Variants in TAFA4 observed in about 807,000 individuals in gnomAD.
The protein encoded by TAFA4 is chemokine-like protein TAFA-4.
Under a neutral mutation model 21.1 loss-of-function variants are expected in TAFA4, and 20 were observed. The ratio of observed to expected loss-of-function variants is 0.95; its 90% CI spans 0.67 to 1.38. TAFA4 has a LOEUF of 1.38. Among genes scored for constraint, TAFA4 ranks in the 40% most tolerant of loss-of-function variants. The probability of loss-of-function intolerance (pLI) is 0.00; values close to 1 mark genes in which losing one functional copy is unlikely to be tolerated. For synonymous variants in TAFA4, 71 were observed against 67.4 expected (o/e 1.05, Z -0.26); for missense variants, 211 against 180.9 (o/e 1.17, Z -0.95).
chr3:68,871,645 A>G (rs1463865495), intron 3 of TAFA4, among the ~76,000 whole-genome samples: 1 of 152,138 alleles, frequency 6.6e-6, no homozygotes, highest in Admixed American at 6.6e-5. Flanking sequence ...TTTGCAAACT[A>G]TCCATCCAAC....
At chr3:68,842,882 T>G (rs1270478472) in intron 3 of TAFA4, among the ~76,000 whole-genome samples, 1 of 152,162 alleles carries the variant, frequency 6.6e-6, no homozygotes, top group African/African-American at 2.4e-5. Context: ...CTGTTCTGTT[T>G]CATTGGTCTA....
chr3:68,788,084 G>A (rs1241093087), intron 3 of TAFA4, among the ~76,000 whole-genome samples: 1 of 152,180 alleles, frequency 6.6e-6, no homozygotes, highest in African/African-American at 2.4e-5. Flanking sequence ...TATAGCCCCA[G>A]AAGAGTACAC....
At chr3:68,919,842 C>T (rs2107020472) in intron 1 of TAFA4, among the ~76,000 whole-genome samples, 1 of 152,284 alleles carries the variant, frequency 6.6e-6, no homozygotes, top group East Asian at 1.9e-4. Context: ...TGATAAGAGA[C>T]TTTCTGCAGT....
At chr3:68,778,927 T>A (rs1357266400) in intron 3 of TAFA4, among the ~76,000 whole-genome samples, 1 of 152,174 alleles carries the variant, frequency 6.6e-6, no homozygotes, top group East Asian at 1.9e-4. Context: ...TTTGGAGGGC[T>A]CAGAAGAAGA....
At chr3:68,758,591 T>A (rs1007862196) in intron 3 of TAFA4, among the ~76,000 whole-genome samples, 2 of 152,230 alleles carry the variant, frequency 1.3e-5, no homozygotes, top group Admixed American at 1.3e-4. Flanking sequence ...TTTTCCTTTA[T>A]AAATTACCTA....
At chr3:68,848,918 A>T (rs1704875338) in intron 3 of TAFA4, among the ~76,000 whole-genome samples, 1 of 139,676 alleles carries the variant, frequency 7.2e-6, no homozygotes, top group Non-Finnish European at 1.6e-5. Flanking sequence ...ATACTTCACC[A>T]AGGAGAATGC....
intron 1 of TAFA4, among the ~76,000 whole-genome samples, chr3:68,911,908 C>T (rs1248514088): frequency 2.0e-5 from 3 of 152,258 alleles, no homozygotes; most frequent in South Asian, 2.1e-4. Flanking sequence ...TCAGCCCAAG[C>T]GCTGGGAAAT....
chr3:68,823,357 C>G (rs964112325), intron 3 of TAFA4, among the ~76,000 whole-genome samples: 6 of 152,184 alleles, frequency 3.9e-5, no homozygotes, highest in African/African-American at 1.4e-4. Context: ...CATCTCACAT[C>G]TCAGTTATTG....
At chr3:68,860,223 C>T (rs1267941244) in intron 3 of TAFA4, among the ~76,000 whole-genome samples, 1 of 152,064 alleles carries the variant, frequency 6.6e-6, no homozygotes, top group Non-Finnish European at 1.5e-5. Flanking sequence ...ACAAAGTAAA[C>T]TGATGAGGCG....
chr3:68,784,823 C>T (rs1703219993), intron 3 of TAFA4, among the ~76,000 whole-genome samples: 2 of 152,246 alleles, frequency 1.3e-5, no homozygotes, highest in Admixed American at 1.3e-4. Flanking sequence ...GCGTTTACAA[C>T]CCCTGAGCTA....
rs1359907061 is a variant in TAFA4, at chr3:68,774,936, AGCT to A, written c.131-21921_131-21919del. Reference sequence around the variant, plus strand: ...TATACTTGTTCTCGGGATATTAAAAAGCTGCAAAAAAGAAAGCTATTCCCATCA... The same window carrying A: ...TATACTTGTTCTCGGGATATTAAAAAGCAAAAAAGAAAGCTATTCCCATCA... On this transcript the variant is annotated intron_variant, in intron 3 of 5. Coordinates refer to ENST00000295569, the MANE Select transcript of TAFA4 (RefSeq NM_182522.5). Among the ~76,000 whole-genome samples the A allele has an allele frequency of 5.3e-5, 8 of 152,342 alleles. No homozygotes were observed. In the East Asian group the frequency reaches 1.5e-3, roughly 29 times the overall value.
chr3:68,866,563 C>T (rs2106930274), intron 3 of TAFA4, among the ~76,000 whole-genome samples: 1 of 148,322 alleles, frequency 6.7e-6, no homozygotes, highest in African/African-American at 2.5e-5. Context: ...CATGAACTCC[C>T]TAAGCAGACA....
rs2089373277 is a variant in TAFA4 at position 68,863,210 on chromosome 3, T to C, written c.130+17520A>G. Among the ~76,000 whole-genome samples, 3 of 151,922 alleles carry C rather than the reference T, an allele frequency of 2.0e-5. No homozygotes were observed. In the South Asian group the frequency reaches 6.2e-4, roughly 32 times the overall value. On this transcript the variant is annotated intron_variant, in intron 3 of 5. Coordinates refer to ENST00000295569, the MANE Select transcript of TAFA4 (RefSeq NM_182522.5). ...GTGAGCTATGATCATACCACTGCAC[T>C]CCAGCCTCCTAGGTGACAGAGTGAG...
intron 3 of TAFA4, among the ~76,000 whole-genome samples, chr3:68,833,226 C>T (rs1365770541): frequency 6.6e-6 from 1 of 152,184 alleles, no homozygotes; most frequent in Non-Finnish European, 1.5e-5. Context: ...CCAACCAGTC[C>T]CACTGATACC....
chr3:68,782,110 G>A (rs7642323), intron 3 of TAFA4, among the ~76,000 whole-genome samples: 5,311 of 151,992 alleles, frequency 0.035, 289 homozygotes, highest in East Asian at 0.25. Context: ...ATCTGACAAG[G>A]GTCTAGTATC....
chr3:68,781,141 G>A lies in TAFA4; in HGVS notation c.131-28123C>T, dbSNP rs563780596. Reference sequence around the variant, plus strand: ...TCAAAATGTGTGAGACATATCTAAAGCAGTGACCAAGGGAAATTTACAAAA... The same window carrying A: ...TCAAAATGTGTGAGACATATCTAAAACAGTGACCAAGGGAAATTTACAAAA... On this transcript the variant is annotated intron_variant, in intron 3 of 5. Transcript: ENST00000295569. Among the ~76,000 whole-genome samples the A allele has an allele frequency of 3.0e-4, 45 of 151,834 alleles. 2 individuals carry two copies. The highest frequency in any genetic ancestry group is 9.4e-4 in the African/African-American group (39 of 41,488).
chr3:68,758,326 C>A (rs116548769), intron 3 of TAFA4, among the ~76,000 whole-genome samples: 1 of 152,118 alleles, frequency 6.6e-6, no homozygotes, highest in Non-Finnish European at 1.5e-5. Context: ...CATCTTGAAT[C>A]GAAGCTCCCA....
At chr3:68,767,282 G>T (rs1702872818) in intron 3 of TAFA4, among the ~76,000 whole-genome samples, 1 of 152,080 alleles carries the variant, frequency 6.6e-6, no homozygotes, top group African/African-American at 2.4e-5. Flanking sequence ...AGGAATCAAG[G>T]AATCCAATTC....
chr3:68,756,521 C>T (rs1702661957), intron 3 of TAFA4, among the ~76,000 whole-genome samples: 1 of 152,144 alleles, frequency 6.6e-6, no homozygotes, highest in South Asian at 2.1e-4. Context: ...ACTTTTGATC[C>T]ATAAAGACAG....
Sources: allele counts gnomAD v4.1 joint callset (sites outside exome capture counted in the v4.1 genomes callset), GRCh38; gene constraint gnomAD v4.1.1; transcripts MANE v1.5; gene names NCBI Gene and HGNC (gene_info 2026-07-23, HGNC 2026-07-21).